Variants in AKAP19 observed in about 807,000 individuals in gnomAD.
AKAP19 encodes A-kinase anchoring protein 19, also known as small A-kinase anchoring protein.
At chr2:190,009,071 A>C in the AKAP19 span, among the ~76,000 whole-genome samples, 2 of 152,124 alleles carry the variant, frequency 1.3e-5, no homozygotes, top group Non-Finnish European at 2.9e-5. Context: ...TAAAAGGAAG[A>C]TATCTGGCAT....
At chr2:190,171,476 A>G in the AKAP19 span, among the ~76,000 whole-genome samples, 1 of 137,774 alleles carries the variant, frequency 7.3e-6, no homozygotes, top group Non-Finnish European at 1.6e-5. Context: ...ATCAATCTGC[A>G]TTGTAAAGTT....
the AKAP19 span, among the ~76,000 whole-genome samples, chr2:190,045,585 A>G: frequency 6.6e-6 from 1 of 151,972 alleles, no homozygotes; most frequent in African/African-American, 2.4e-5. Context: ...GAAGGCTGGA[A>G]TGGCTAAGGC....
the AKAP19 span, among the ~76,000 whole-genome samples, chr2:189,940,278 C>CAAAA: frequency 9.1e-6 from 1 of 109,450 alleles, no homozygotes; most frequent in African/African-American, 3.4e-5. Context: ...GACTTCATCT[C>CAAAA]AAAAAAAAAA....
the AKAP19 span, among the ~76,000 whole-genome samples, chr2:190,105,659 AT>A: frequency 2.6e-5 from 4 of 151,882 alleles, no homozygotes; most frequent in African/African-American, 9.7e-5. Flanking sequence ...ATATTTTGTG[AT>A]TTTTCTTTAG....
chr2:190,008,114 A>G, the AKAP19 span, among the ~76,000 whole-genome samples: 1 of 152,348 alleles, frequency 6.6e-6, no homozygotes, highest in East Asian at 1.9e-4. Context: ...GTTTACTGGT[A>G]CCGACTTTTT....
At chr2:189,940,790 C>G in the AKAP19 span, among the ~76,000 whole-genome samples, 1 of 151,968 alleles carries the variant, frequency 6.6e-6, no homozygotes, top group East Asian at 1.9e-4. Context: ...ACTTGGGAGG[C>G]TGAGGCAGGA....
At chr2:190,094,184 A>G in the AKAP19 span, among the ~76,000 whole-genome samples, 4 of 152,256 alleles carry the variant, frequency 2.6e-5, no homozygotes, top group Non-Finnish European at 5.9e-5. Flanking sequence ...CTTGAGCAAC[A>G]GGAAAGTATA....
At chr2:190,201,681 C>G in the AKAP19 span, 2 of 166,912 alleles carry the variant, frequency 1.2e-5, no homozygotes, top group African/African-American at 4.8e-5. Flanking sequence ...GTTTTCGTTG[C>G]CTTTGGACAC....
the AKAP19 span, among the ~76,000 whole-genome samples, chr2:189,989,146 T>C: frequency 1.3e-5 from 2 of 152,214 alleles, no homozygotes; most frequent in Admixed American, 1.3e-4. Flanking sequence ...CCCTAATTAA[T>C]TTAGAGGGCT....
At chr2:190,064,805 G>A in the AKAP19 span, among the ~76,000 whole-genome samples, 1 of 152,142 alleles carries the variant, frequency 6.6e-6, no homozygotes, top group Non-Finnish European at 1.5e-5. Flanking sequence ...TTCTAAGGCA[G>A]CCAGGTTACA....
At chr2:189,891,212 CTTTTTTTTTCCT>C in the AKAP19 span, among the ~76,000 whole-genome samples, 1 of 120,766 alleles carries the variant, frequency 8.3e-6, no homozygotes, top group East Asian at 2.4e-4. Flanking sequence ...GTTGAAAGTT[CTTTTTTTTTCCT>C]TTTTTTTTTT....
the AKAP19 span, among the ~76,000 whole-genome samples, chr2:190,118,707 G>A: frequency 6.6e-6 from 1 of 152,150 alleles, no homozygotes; most frequent in African/African-American, 2.4e-5. Context: ...AGGTATTGAT[G>A]GGACTTATCT....
At chr2:190,035,744 A>C in the AKAP19 span, among the ~76,000 whole-genome samples, 1 of 152,204 alleles carries the variant, frequency 6.6e-6, no homozygotes, top group Non-Finnish European at 1.5e-5. Context: ...TATTGCATGT[A>C]TCAGTAATTT....
chr2:190,006,667 G>A, the AKAP19 span, among the ~76,000 whole-genome samples: 1 of 142,412 alleles, frequency 7.0e-6, no homozygotes, highest in Non-Finnish European at 1.5e-5. Flanking sequence ...CTAGCTATAA[G>A]CAAAATTCTA....
chr2:190,052,004 A>AT, the AKAP19 span, among the ~76,000 whole-genome samples: 1 of 151,540 alleles, frequency 6.6e-6, no homozygotes, highest in Non-Finnish European at 1.5e-5. Context: ...CGCCTGGCTA[A>AT]TTTTTTTGTA....
At chr2:190,062,205 C>T in the AKAP19 span, 23 of 1,611,978 alleles carry the variant, frequency 1.4e-5, no homozygotes, top group Non-Finnish European at 2.0e-5. Flanking sequence ...TGTTGATATA[C>T]ACTAATAGGA....
At chr2:189,886,097 C>T in the AKAP19 span, among the ~76,000 whole-genome samples, 3 of 152,206 alleles carry the variant, frequency 2.0e-5, no homozygotes, top group African/African-American at 7.2e-5. Flanking sequence ...GCATAAGTCA[C>T]TGTGCCCAGC....
At chr2:190,040,991 G>C in the AKAP19 span, among the ~76,000 whole-genome samples, 2 of 152,072 alleles carry the variant, frequency 1.3e-5, no homozygotes, top group Non-Finnish European at 2.9e-5. Context: ...GCTTAGGATC[G>C]CCTTGGCTAT....
At chr2:190,108,694 T>C in the AKAP19 span, among the ~76,000 whole-genome samples, 2 of 151,970 alleles carry the variant, frequency 1.3e-5, no homozygotes, top group Admixed American at 1.3e-4. Context: ...GAGTGGTCTA[T>C]TGGAATCAGA....
Sources: gnomAD v4.1 joint callset for allele counts (sites outside exome capture counted in the v4.1 genomes callset) on GRCh38, gnomAD v4.1.1 for gene constraint, MANE v1.5 for transcripts, NCBI Gene and HGNC (gene_info 2026-07-23, HGNC 2026-07-21) for gene names.